Variants in PCDH15 observed in about 807,000 individuals in gnomAD.
The protein encoded by PCDH15 is protocadherin related 15, also known as protocadherin-15.
PCDH15 carries 129 observed loss-of-function variants against 178.5 expected under a neutral mutation model. The ratio of observed to expected loss-of-function variants is 0.72; its 90% CI spans 0.63 to 0.84. The LOEUF (loss-of-function observed/expected upper bound fraction) is 0.84, where lower values mean the gene tolerates loss of function less well. Among genes scored for constraint, PCDH15 ranks in the 40% least tolerant of loss-of-function variants. The pLI is 0.00. For missense variants in PCDH15, 2,230 were observed against 2,099.9 expected (o/e 1.06, Z -1.21); for synonymous variants, 800 against 732.0 (o/e 1.09, Z -1.50).
intron 1 of PCDH15, among the ~76,000 whole-genome samples, chr10:55,169,984 AAAGG>A (rs10557432): frequency 0.99 from 150,231 of 151,146 alleles, 74,666 homozygotes; most frequent in East Asian, 1. Context: ...CTGATAGAAT[AAAGG>A]AAGGAAGGAA....
At chr10:55,584,552 G>A (rs1842685691) in intron 2 of PCDH15, among the ~76,000 whole-genome samples, 3 of 150,368 alleles carry the variant, frequency 2.0e-5, no homozygotes, top group East Asian at 3.9e-4. Flanking sequence ...AGCTACTTGG[G>A]AGGCTGAGGC....
intron 1 of PCDH15, among the ~76,000 whole-genome samples, chr10:55,308,646 C>G (rs1005797726): frequency 2.6e-5 from 4 of 152,066 alleles, no homozygotes; most frequent in Non-Finnish European, 4.4e-5. Flanking sequence ...ATCTTAGGTG[C>G]CTCATTGTCC....
chr10:55,226,696 A>G (rs1481910867), intron 1 of PCDH15, among the ~76,000 whole-genome samples: 1 of 152,112 alleles, frequency 6.6e-6, no homozygotes, highest in East Asian at 1.9e-4. Context: ...ATAGTTAAAG[A>G]AAAAGGTTAC....
intron 20 of PCDH15, among the ~76,000 whole-genome samples, chr10:53,996,078 T>A (rs1251568187): frequency 6.6e-6 from 1 of 152,136 alleles, no homozygotes; most frequent in Non-Finnish European, 1.5e-5. Flanking sequence ...AGAGGTAAAA[T>A]TTTAACATTT....
chr10:54,153,029 C>T (rs747374514), intron 14 of PCDH15, 71 bp downstream of exon 14: 39 of 1,524,142 alleles, frequency 2.6e-5, no homozygotes, highest in East Asian at 4.6e-5. Context: ...ATACTTGCCG[C>T]GCTTCTTAAA....
intron 3 of PCDH15, among the ~76,000 whole-genome samples, chr10:54,892,856 A>G (rs1042066535): frequency 6.6e-6 from 1 of 151,582 alleles, no homozygotes; most frequent in African/African-American, 2.4e-5. Context: ...CTTTCTGAGT[A>G]GCTGAGTTTA....
At chr10:54,684,986 T>C (rs937800559) in intron 1 of PCDH15, among the ~76,000 whole-genome samples, 1 of 151,866 alleles carries the variant, frequency 6.6e-6, no homozygotes, top group African/African-American at 2.4e-5. Context: ...TACAACATAG[T>C]TTCTTTCTTT....
At chr10:54,832,324 G>C (rs1341870057) in intron 3 of PCDH15, among the ~76,000 whole-genome samples, 2 of 150,432 alleles carry the variant, frequency 1.3e-5, no homozygotes, top group African/African-American at 4.9e-5. Context: ...ATAATCAATG[G>C]AATATATAAA....
intron 2 of PCDH15, among the ~76,000 whole-genome samples, chr10:55,349,286 G>A (rs945399060): frequency 5.9e-5 from 9 of 151,996 alleles, no homozygotes; most frequent in Non-Finnish European, 1.0e-4. Context: ...AAAAGCACTG[G>A]GCTGTTTGAA....
chr10:54,942,247 G>A (rs987620360), intron 2 of PCDH15, among the ~76,000 whole-genome samples: 1 of 151,922 alleles, frequency 6.6e-6, no homozygotes, highest in African/African-American at 2.4e-5. Context: ...CCTCTGTGTT[G>A]TTCATTAGGA....
intron 2 of PCDH15, among the ~76,000 whole-genome samples, chr10:55,000,399 T>G (rs747978193): frequency 1.1e-4 from 16 of 152,164 alleles, no homozygotes; most frequent in Admixed American, 2.0e-4. Context: ...TGGTCAGAGT[T>G]TAAGGTTATC....
rs78501428 is a variant in PCDH15, at chr10:54,536,618, T to C, written c.92-8741A>G. 5.2e-3 allele frequency among the ~76,000 whole-genome samples: 788 copies of C among 152,296 alleles called. 9 individuals are homozygous for C. The highest frequency in any genetic ancestry group is 0.018 in the African/African-American group (766 of 41,552). Reference sequence around the variant, plus strand: ...AGGTAATGAGCACAGCACTCAATAGTTGTTTTTTAAATACTTGTCCCTCTT... The same window carrying C: ...AGGTAATGAGCACAGCACTCAATAGCTGTTTTTTAAATACTTGTCCCTCTT... On this transcript the variant is annotated intron_variant, in intron 2 of 37. Coordinates refer to ENST00000644397, the MANE Select transcript of PCDH15 (RefSeq NM_001384140.1).
intron 1 of PCDH15, among the ~76,000 whole-genome samples, chr10:54,783,348 G>C (rs779706371): frequency 2.0e-5 from 3 of 151,832 alleles, no homozygotes; most frequent in Non-Finnish European, 4.4e-5. Flanking sequence ...TACTACTGAG[G>C]GCTTTAACCA....
At chr10:54,072,825 T>C (rs139117361) in intron 17 of PCDH15, among the ~76,000 whole-genome samples, 2 of 152,296 alleles carry the variant, frequency 1.3e-5, no homozygotes, top group African/African-American at 4.8e-5. Context: ...AGAGAAGCCA[T>C]ACTACCAGCA....
At chr10:55,286,356 T>G (rs1842869605) in intron 1 of PCDH15, among the ~76,000 whole-genome samples, 1 of 151,948 alleles carries the variant, frequency 6.6e-6, no homozygotes, top group Non-Finnish European at 1.5e-5. Flanking sequence ...TATGAGAAAT[T>G]TTTAAAACTA....
chr10:55,283,072 G>A (rs1033931256), intron 1 of PCDH15, among the ~76,000 whole-genome samples: 2 of 152,150 alleles, frequency 1.3e-5, no homozygotes, highest in Non-Finnish European at 2.9e-5. Context: ...AGAAATTATG[G>A]TTTAGGAGTC....
At chr10:54,227,565 T>C (rs891947321) in intron 9 of PCDH15, among the ~76,000 whole-genome samples, 46 of 152,228 alleles carry the variant, frequency 3.0e-4, no homozygotes, top group African/African-American at 1.1e-3. Flanking sequence ...GGAGACGTTT[T>C]TCCCATTATC....
intron 3 of PCDH15, among the ~76,000 whole-genome samples, chr10:54,828,481 ATGTATG>A (rs59772797): frequency 0.43 from 65,046 of 150,692 alleles, 14,175 homozygotes; most frequent in East Asian, 0.57. Flanking sequence ...TACAAGATAT[ATGTATG>A]TGTATGTGTA....
chr10:53,999,086 G>T (rs1283215395), intron 20 of PCDH15, among the ~76,000 whole-genome samples: 1 of 149,382 alleles, frequency 6.7e-6, no homozygotes, highest in Non-Finnish European at 1.5e-5. Flanking sequence ...TATGTATATA[G>T]CAAATGCCAG....
Sources: allele counts gnomAD v4.1 joint callset (sites outside exome capture counted in the v4.1 genomes callset), GRCh38; gene constraint gnomAD v4.1.1; transcripts MANE v1.5; gene names NCBI Gene and HGNC (gene_info 2026-07-23, HGNC 2026-07-21).